UQCR11: variants seen among roughly 807,000 people sequenced by gnomAD.
UQCR11 encodes the protein cytochrome b-c1 complex subunit 10.
In UQCR11, 10 loss-of-function variants were observed where a neutral mutation model predicts 7.6. That is an observed-to-expected ratio of 1.31 (90% CI 0.81 to 2.22). UQCR11 has a LOEUF of 2.22. UQCR11 is among the 30% of genes most tolerant of loss of function. The probability of loss-of-function intolerance (pLI) is 0.00; values close to 1 mark genes in which losing one functional copy is unlikely to be tolerated. For missense variants in UQCR11, 86 were observed against 75.1 expected (o/e 1.15, Z -0.54); for synonymous variants, 34 against 34.9 (o/e 0.97, Z 0.09).
At chr19:1,598,518 T>C (rs964565937) in intron 2 of UQCR11, among the ~76,000 whole-genome samples, 26 of 149,226 alleles carry the variant, frequency 1.7e-4, no homozygotes, top group Admixed American at 1.7e-3. Context: ...CGCTCCAGCC[T>C]GGGCAACAAG....
chr19:1,604,271 G>C (rs923027833), intron 1 of UQCR11, among the ~76,000 whole-genome samples: 3 of 151,638 alleles, frequency 2.0e-5, no homozygotes, highest in Non-Finnish European at 4.4e-5. Flanking sequence ...TAGAGATAAG[G>C]TCTTGCTGTG....
chr19:1,604,356 G>A (rs2060755639), intron 1 of UQCR11, among the ~76,000 whole-genome samples: 1 of 152,156 alleles, frequency 6.6e-6, no homozygotes, highest in East Asian at 1.9e-4. Flanking sequence ...TGGGACTACA[G>A]ACAGGTGCCA....
Position 1,605,345 on chromosome 19 carries a change from G to C in UQCR11, c.50+15C>G. On this transcript the variant is annotated intron_variant, in intron 1 of 2. Transcript: ENST00000591899. ...AGGCGGGAGCGCGGATGGGGCCGCG[G>C]GTCGGCGTCCTCACCAGTTCTTGAC... The C allele has an allele frequency of 3.2e-6, 5 of 1,568,050 alleles. No homozygotes were observed. Among genetic ancestry groups the C allele is most frequent in the Non-Finnish European group, 4.3e-6 (5 of 1,161,588 alleles).
intron 1 of UQCR11, among the ~76,000 whole-genome samples, chr19:1,601,427 C>T (rs2060746775): frequency 6.6e-6 from 1 of 151,830 alleles, no homozygotes; most frequent in Non-Finnish European, 1.5e-5. Flanking sequence ...ATGGTAAAAC[C>T]CCATTCTACT....
chr19:1,602,159 CG>C (rs1193098635), intron 1 of UQCR11: 2 of 151,638 alleles, frequency 1.3e-5, no homozygotes, highest in African/African-American at 4.8e-5. Flanking sequence ...GACTCTGTCT[CG>C]GAAGAAAAAA....
At chr19:1,602,687 A>G (rs2060750757) in intron 1 of UQCR11, among the ~76,000 whole-genome samples, 2 of 152,074 alleles carry the variant, frequency 1.3e-5, no homozygotes, top group Admixed American at 1.3e-4. Flanking sequence ...CCTGACCTCA[A>G]GGGATCCACC....
rs181112176 is a variant in UQCR11 at position 1,599,449 on chromosome 19, C to A, written c.162G>T (p.Lys54Asn). The change falls in exon 2 of 3, where the codon AAG becomes AAT. Residue 54 changes from lysine (K) to asparagine (N), a missense_variant. Transcript: ENST00000591899. ...WVPYINGKFK[K>N]DN is the part of the protein sequence containing the mutation. ...TGAAGGGTTTGTGTAATTAATTATC[C>A]TTCTTAAACTTGCCATTGATGTAAG... 1.1e-5 allele frequency: 18 copies of A among 1,613,828 alleles called. No homozygotes were observed. The East Asian group carries it at 4.0e-4, about 36-fold the overall frequency.
intron 1 of UQCR11, among the ~76,000 whole-genome samples, chr19:1,602,961 C>G (rs182135767): frequency 1.3e-5 from 2 of 152,198 alleles, no homozygotes; most frequent in Non-Finnish European, 2.9e-5. Flanking sequence ...ACGACAACCC[C>G]TTCCTCAAAG....
intron 1 of UQCR11, 57 bp from the exon 2 acceptor site, chr19:1,599,617 T>C: frequency 6.3e-7 from 1 of 1,592,188 alleles, no homozygotes; most frequent in Non-Finnish European, 8.5e-7. Flanking sequence ...CAAGACCCTC[T>C]CCTGCCCACC....
intron 1 of UQCR11, 82 bp from the exon 2 acceptor site, chr19:1,599,642 T>G (rs566778276): frequency 6.4e-7 from 1 of 1,553,286 alleles, no homozygotes; most frequent in Non-Finnish European, 8.7e-7. Context: ...CCCCCCGTCC[T>G]GAGCGGTGAT....
At chr19:1,599,620 T>A in intron 1 of UQCR11, 60 bp from the exon 2 acceptor site, 1 of 1,590,082 alleles carries the variant, frequency 6.3e-7, no homozygotes, top group East Asian at 2.2e-5. Context: ...GACCCTCTCC[T>A]GCCCACCCCG....
intron 2 of UQCR11, among the ~76,000 whole-genome samples, chr19:1,598,723 C>G (rs1266864191): frequency 6.6e-6 from 1 of 152,162 alleles, no homozygotes; most frequent in Non-Finnish European, 1.5e-5. Context: ...AAAAAAGAAA[C>G]GTCCCTTCCA....
Position 1,600,618 on chromosome 19 carries a change from TC to T in UQCR11, c.51-1059del, listed in dbSNP as rs532138241. Among the ~76,000 whole-genome samples, 3 of 152,270 alleles carry T rather than the reference TC, an allele frequency of 2.0e-5. No homozygotes were observed. In the South Asian group the frequency reaches 6.2e-4, roughly 32 times the overall value. The stretch of plus-strand genomic sequence containing the variant: ...CAGACATGGAGGCTCACAAGGGGAA[TC>T]CCAGCACTTTGGGAGGTTGAGGCAG... On this transcript the variant is annotated intron_variant, in intron 1 of 2. Coordinates refer to ENST00000591899, the MANE Select transcript of UQCR11 (RefSeq NM_006830.4).
intron 2 of UQCR11, among the ~76,000 whole-genome samples, chr19:1,598,544 CAAA>C (rs869275138): frequency 5.0e-5 from 6 of 118,910 alleles, no homozygotes; most frequent in Non-Finnish European, 5.4e-5. Context: ...AACTCTGTCT[CAAA>C]AAAAAAAAAA....
rs17399503 is a variant in UQCR11, at chr19:1,599,526, C to T, written c.85G>A (p.Ala29Thr). 164 of 1,612,458 alleles carry T rather than the reference C, an allele frequency of 1.0e-4. 1 individual carries two copies. The highest frequency in any genetic ancestry group is 1.3e-4 in the Non-Finnish European group (149 of 1,179,992). ...TCGGTGGCCCACACCAGCCCCACGG[C>T]GCCCACAGCGCCCCATGTGTAGGCC... Reference protein sequence around the residue: ...PTAYTWGAVGAVGLVWATDWR... With the variant: ...PTAYTWGAVGTVGLVWATDWR... Residue 29 changes from alanine (A) to threonine (T), a missense_variant, in exon 2 of 3, where the codon GCC becomes ACC. Coordinates refer to ENST00000591899, the MANE Select transcript of UQCR11 (RefSeq NM_006830.4).
intron 1 of UQCR11, 65 bp from the exon 2 acceptor site, chr19:1,599,625 ACCC>A: frequency 1.3e-6 from 2 of 1,584,436 alleles, no homozygotes; most frequent in Non-Finnish European, 1.7e-6. Flanking sequence ...TCTCCTGCCC[ACCC>A]CGGCCCCCCG....
chr19:1,599,028 C>T (rs1010922344), intron 2 of UQCR11: 2 of 216,772 alleles, frequency 9.2e-6, no homozygotes, highest in East Asian at 2.7e-4. Context: ...GCCTCACAGG[C>T]GCTTCCAAGA....
At chr19:1,603,398 C>T (rs998430394) in intron 1 of UQCR11, among the ~76,000 whole-genome samples, 4 of 152,044 alleles carry the variant, frequency 2.6e-5, no homozygotes, top group East Asian at 3.9e-4. Flanking sequence ...GTCAGAAGAT[C>T]GTGACCATCC....
At chr19:1,604,544 T>C (rs1399676670) in intron 1 of UQCR11, among the ~76,000 whole-genome samples, 1 of 150,258 alleles carries the variant, frequency 6.7e-6, no homozygotes, top group African/African-American at 2.5e-5. Flanking sequence ...TTTTCTCTTT[T>C]TGGGACACAG....
Sources: allele counts gnomAD v4.1 joint callset (sites outside exome capture counted in the v4.1 genomes callset), GRCh38; gene constraint gnomAD v4.1.1; transcripts MANE v1.5; gene names NCBI Gene and HGNC (gene_info 2026-07-23, HGNC 2026-07-21).